The following PCDHA3 variants were observed in gnomAD, a reference collection of about 807,000 sequenced individuals.
The protein encoded by PCDHA3 is protocadherin alpha-3.
PCDHA3 carries 41 observed loss-of-function variants against 62.2 expected under a neutral mutation model. That is an observed-to-expected ratio of 0.66 (90% CI 0.51 to 0.86). The LOEUF is 0.86. PCDHA3 is among the 40% of genes least tolerant of loss of function. The probability of loss-of-function intolerance (pLI) is 0.00; values close to 1 mark genes in which losing one functional copy is unlikely to be tolerated. For missense variants in PCDHA3, 1,304 were observed against 1,241.2 expected (o/e 1.05, Z -0.76); for synonymous variants, 640 against 555.4 (o/e 1.15, Z -2.14).
At chr5:140,843,431 A>G (rs1554140071) in intron 1 of PCDHA3, 3 of 1,596,040 alleles carry the variant, frequency 1.9e-6, no homozygotes, top group South Asian at 1.1e-5. Flanking sequence ...GATCATCGCC[A>G]TCTGCGCGGT....
chr5:140,841,126 C>T, intron 1 of PCDHA3: 1 of 659,096 alleles, frequency 1.5e-6, no homozygotes, highest in South Asian at 2.2e-5. Flanking sequence ...TAATCATTAC[C>T]TTTTGAAGCC....
chr5:140,882,245 G>A, intron 1 of PCDHA3: 1 of 1,592,614 alleles, frequency 6.3e-7, no homozygotes, highest in Non-Finnish European at 8.6e-7. Context: ...ATTGCAGATA[G>A]CTCTGAGGTT....
rs2150419766 is a variant in PCDHA3, at chr5:140,848,766, G to C, written c.2394+45175G>C. On this transcript the variant is annotated intron_variant, in intron 1 of 3. Coordinates refer to ENST00000522353, the MANE Select transcript of PCDHA3 (RefSeq NM_018906.3). The stretch of plus-strand genomic sequence containing the variant: ...CATTTTGTTTGTGAATTCTCGGATC[G>C]ACCGCGAGGAGCTGTGCGGGCGGAG... The C allele has an allele frequency of 6.3e-7, 1 of 1,593,418 alleles. No individual in the cohort carries two copies. The highest frequency in any genetic ancestry group is 8.6e-7 in the Non-Finnish European group (1 of 1,164,090).
chr5:140,862,777 C>T, intron 1 of PCDHA3: 1 of 577,324 alleles, frequency 1.7e-6, no homozygotes, highest in Non-Finnish European at 3.3e-6. Context: ...CGCGTTGCAG[C>T]CACTGGACTA....
chr5:140,998,228 T>G (rs528236708), intron 3 of PCDHA3, among the ~76,000 whole-genome samples: 1 of 152,288 alleles, frequency 6.6e-6, no homozygotes, highest in East Asian at 1.9e-4. Flanking sequence ...ACCCAGAAAT[T>G]TGTGCATTAT....
intron 1 of PCDHA3, chr5:140,842,737 C>A: frequency 6.3e-7 from 1 of 1,595,052 alleles, no homozygotes; most frequent in Non-Finnish European, 8.6e-7. Flanking sequence ...CGCCGGGCTG[C>A]CACATCTTCA....
chr5:140,871,354 C>A, intron 1 of PCDHA3: 1 of 1,614,210 alleles, frequency 6.2e-7, no homozygotes, highest in Non-Finnish European at 8.5e-7. Flanking sequence ...GTCATACTCG[C>A]AGCAGAGGCG....
chr5:140,842,836 G>A (rs2150345985), intron 1 of PCDHA3: 2 of 1,593,818 alleles, frequency 1.3e-6, no homozygotes, highest in East Asian at 2.2e-5. Context: ...GCTCGCTGTC[G>A]AGCTACATTT....
intron 1 of PCDHA3, chr5:140,810,142 T>C (rs1407817610): frequency 6.6e-6 from 1 of 152,414 alleles, no homozygotes; most frequent in Admixed American, 6.5e-5. Context: ...TCACTCATTG[T>C]TTATGAAATT....
chr5:140,973,929 T>C (rs2096608226), intron 1 of PCDHA3, among the ~76,000 whole-genome samples: 1 of 152,216 alleles, frequency 6.6e-6, no homozygotes, highest in Non-Finnish European at 1.5e-5. Flanking sequence ...AACCCAGAGG[T>C]TTAGCTGAAT....
intron 1 of PCDHA3, among the ~76,000 whole-genome samples, chr5:140,964,379 C>T (rs2095828218): frequency 6.6e-6 from 1 of 152,130 alleles, no homozygotes; most frequent in Non-Finnish European, 1.5e-5. Flanking sequence ...AAAGGAGAGT[C>T]CTGGTTTTTC....
chr5:140,870,905 G>T (rs2052526417), intron 1 of PCDHA3: 1 of 1,613,958 alleles, frequency 6.2e-7, no homozygotes, highest in Non-Finnish European at 8.5e-7. Context: ...GCGGACTCAG[G>T]CTACAACGCG....
At chr5:140,990,492 A>G (rs533006418) in intron 3 of PCDHA3, among the ~76,000 whole-genome samples, 1 of 152,308 alleles carries the variant, frequency 6.6e-6, no homozygotes, top group South Asian at 2.1e-4. Flanking sequence ...TAGTGAGGTG[A>G]CATTCCCCAA....
intron 1 of PCDHA3, chr5:140,837,285 A>T (rs944502999): frequency 6.6e-6 from 1 of 151,990 alleles, no homozygotes; most frequent in Admixed American, 6.6e-5. Flanking sequence ...CTTCTTTTTA[A>T]CTTACTTTGT....
Position 140,836,095 on chromosome 5 carries a change from G to A in PCDHA3, c.2394+32504G>A, listed in dbSNP as rs2150252666. ...CCGGCACTGCTGGCGCCTCGGGTGG[G>A]TGGCACTGGTGGCGCAGTGAGAGAG... On this transcript the variant is annotated intron_variant, in intron 1 of 3. Transcript: ENST00000522353. 1.9e-5 allele frequency: 30 copies of A among 1,613,576 alleles called. 1 individual carries two copies. The highest frequency in any genetic ancestry group is 3.3e-4 in the Middle Eastern group (2 of 6,084).
At chr5:140,981,583 T>TA (rs2096939530) in intron 2 of PCDHA3, among the ~76,000 whole-genome samples, 1 of 152,098 alleles carries the variant, frequency 6.6e-6, no homozygotes, top group Non-Finnish European at 1.5e-5. Flanking sequence ...CAAAAATAAA[T>TA]AAAATAAAAC....
intron 1 of PCDHA3, among the ~76,000 whole-genome samples, chr5:140,891,306 A>G (rs1452305510): frequency 6.6e-6 from 1 of 152,034 alleles, no homozygotes; most frequent in African/African-American, 2.4e-5. Flanking sequence ...ATTTGATTAC[A>G]TGAGTAAGTT....
intron 1 of PCDHA3, among the ~76,000 whole-genome samples, chr5:140,912,892 A>T (rs1554195590): frequency 2.0e-5 from 3 of 152,210 alleles, no homozygotes. Context: ...TTCTGTTGAT[A>T]TGATGTATCA....
chr5:140,824,012 G>T (rs1724453792), intron 1 of PCDHA3: 2 of 1,614,140 alleles, frequency 1.2e-6, no homozygotes, highest in South Asian at 1.1e-5. Flanking sequence ...GCGGTGGGGA[G>T]CTGGTCGTAC....
Sources: gnomAD v4.1 joint callset for allele counts (sites outside exome capture counted in the v4.1 genomes callset) on GRCh38, gnomAD v4.1.1 for gene constraint, MANE v1.5 for transcripts, NCBI Gene and HGNC (gene_info 2026-07-23, HGNC 2026-07-21) for gene names.